DGLUCY: variants seen among roughly 807,000 people sequenced by gnomAD.
The protein encoded by DGLUCY is D-glutamate cyclase, mitochondrial.
DGLUCY carries 58 observed loss-of-function variants against 58.5 expected under a neutral mutation model. The ratio of observed to expected loss-of-function variants is 0.99; its 90% CI spans 0.80 to 1.23. DGLUCY has a LOEUF of 1.23. Ranked by LOEUF, DGLUCY falls within the 50% of genes most tolerant of loss-of-function variation. The probability of loss-of-function intolerance (pLI) is 0.00; values close to 1 mark genes in which losing one functional copy is unlikely to be tolerated. For synonymous variants in DGLUCY, 325 were observed against 314.1 expected (o/e 1.03, Z -0.37); for missense variants, 779 against 784.7 (o/e 0.99, Z 0.09).
At chr14:91,112,515 C>A (rs970968532), upstream of DGLUCY, among the ~76,000 whole-genome samples, 1 of 152,084 alleles carries the variant, frequency 6.6e-6, no homozygotes, top group East Asian at 1.9e-4. Flanking sequence ...AGATGGCACC[C>A]TGGGTGGGTG....
intron 1 of DGLUCY, among the ~76,000 whole-genome samples, chr14:91,061,599 G>C (rs2043686099): frequency 1.3e-5 from 2 of 152,204 alleles, no homozygotes; most frequent in African/African-American, 4.8e-5. Context: ...AGGCATTTGA[G>C]ATAACCAACG....
intron 12 of DGLUCY, among the ~76,000 whole-genome samples, chr14:91,207,782 T>C (rs1884999754): frequency 6.6e-6 from 1 of 152,074 alleles, no homozygotes; most frequent in Non-Finnish European, 1.5e-5. Context: ...GTTTCACTCT[T>C]GTTGCCGAGG....
At chr14:91,072,506 T>TTAATTTAA (rs1416946328) in intron 1 of DGLUCY, among the ~76,000 whole-genome samples, 8 of 152,150 alleles carry the variant, frequency 5.3e-5, no homozygotes, top group African/African-American at 1.9e-4. Context: ...TTCTGTTTTC[T>TTAATTTAA]GTAAAATTAA....
At position 91,132,958 on chromosome 14, in the gene DGLUCY, A is replaced by G. The variant is rs1016031887; in HGVS notation, c.-82+18675A>G. Among the ~76,000 whole-genome samples, 7 of 151,866 alleles carry G rather than the reference A, an allele frequency of 4.6e-5. No homozygotes were observed. The East Asian group carries it at 1.3e-3, about 29-fold the overall frequency. ...GTTTCTTTTACTTATAATGTCTTTC[A>G]TGTCTCCAAGGTACACCCATGTTAT... On this transcript the variant is annotated intron_variant, in intron 1 of 13. Transcript: ENST00000256324.
chr14:91,211,693 G>A (rs1272651482), intron 12 of DGLUCY, among the ~76,000 whole-genome samples: 1 of 152,158 alleles, frequency 6.6e-6, no homozygotes, highest in East Asian at 1.9e-4. Context: ...AACTCAAAAT[G>A]GATTATGAAC....
chr14:91,116,719 A>G (rs866156270), intron 1 of DGLUCY, among the ~76,000 whole-genome samples: 4 of 152,162 alleles, frequency 2.6e-5, no homozygotes, highest in African/African-American at 9.7e-5. Context: ...GCCAAGGCAG[A>G]CAGATCACAA....
chr14:91,082,958 A>G (rs867017195), intron 1 of DGLUCY, among the ~76,000 whole-genome samples: 42 of 152,016 alleles, frequency 2.8e-4, no homozygotes, highest in African/African-American at 8.7e-4. Flanking sequence ...GGGTCTCACT[A>G]TGTTGCCCAG....
At chr14:91,126,100 T>C (rs796762388) in intron 1 of DGLUCY, among the ~76,000 whole-genome samples, 4 of 152,270 alleles carry the variant, frequency 2.6e-5, no homozygotes, top group African/African-American at 9.6e-5. Flanking sequence ...GGGGGACACT[T>C]TTCCAATTTG....
intron 1 of DGLUCY, among the ~76,000 whole-genome samples, chr14:91,137,135 G>GT (rs776031714): frequency 0.038 from 5,408 of 142,750 alleles, 298 homozygotes; most frequent in African/African-American, 0.12. Context: ...GTCTGTTCAG[G>GT]TTTTTTTTTT....
At chr14:91,081,218 A>AC (rs55704853) in intron 1 of DGLUCY, among the ~76,000 whole-genome samples, 53,654 of 151,618 alleles carry the variant, frequency 0.35, 10,013 homozygotes, top group African/African-American at 0.48. Flanking sequence ...AAAAACAAAA[A>AC]AAAAAGCATG....
intron 1 of DGLUCY, among the ~76,000 whole-genome samples, chr14:91,101,389 G>A (rs138497010): frequency 2.1e-4 from 32 of 152,168 alleles, no homozygotes; most frequent in East Asian, 1.2e-3. Context: ...GGAATCATGC[G>A]CTATTTGTCT....
chr14:91,121,487 G>A (rs1371436982), intron 1 of DGLUCY, among the ~76,000 whole-genome samples: 1 of 152,146 alleles, frequency 6.6e-6, no homozygotes, highest in African/African-American at 2.4e-5. Flanking sequence ...TCAGGAGTTC[G>A]AGACCAGCCT....
intron 1 of DGLUCY, among the ~76,000 whole-genome samples, chr14:91,082,049 C>A (rs2044136430): frequency 6.6e-6 from 1 of 152,154 alleles, no homozygotes; most frequent in African/African-American, 2.4e-5. Context: ...TCAATTTCAT[C>A]ACGTAAAGTA....
chr14:91,150,793 G>A (rs1351370528), intron 1 of DGLUCY, among the ~76,000 whole-genome samples: 1 of 152,078 alleles, frequency 6.6e-6, no homozygotes, highest in Non-Finnish European at 1.5e-5. Context: ...TTTTATTATG[G>A]TTAAAAATAT....
chr14:91,204,053 C>T (rs902907487), intron 11 of DGLUCY, among the ~76,000 whole-genome samples: 1 of 152,216 alleles, frequency 6.6e-6, no homozygotes, highest in African/African-American at 2.4e-5. Context: ...ATCTTGAACA[C>T]CATTCATTTC....
At chr14:91,136,166 C>G (rs1213646395) in intron 1 of DGLUCY, among the ~76,000 whole-genome samples, 2 of 151,652 alleles carry the variant, frequency 1.3e-5, no homozygotes, top group Non-Finnish European at 2.9e-5. Context: ...ATTTCCTGAC[C>G]TCGTGATCCA....
At chr14:91,208,039 C>T (rs1278346010) in intron 12 of DGLUCY, among the ~76,000 whole-genome samples, 3 of 152,182 alleles carry the variant, frequency 2.0e-5, no homozygotes, top group East Asian at 1.9e-4. Flanking sequence ...AGAGCCACCA[C>T]GCCCGGCCAC....
rs2048492276 is a variant in DGLUCY at position 91,170,103 on chromosome 14, T to C, written c.358T>C (p.Phe120Leu). The change falls in exon 5 of 14, where the codon TTC becomes CTC. Residue 120 changes from phenylalanine (F) to leucine (L), a missense_variant. By Grantham distance (22) the Phe-to-Leu change is conservative (BLOSUM62 0). Transcript: ENST00000256324. ...YSEQLKDMVAFFLGCSFSLEE... is the reference protein window; with the variant it reads ...YSEQLKDMVALFLGCSFSLEE... ...GGAGCAGCTGAAGGACATGGTGGCCTTCTTCCTGGGCTGCAGCTTCTCCCT... is the reference window on the plus strand; with the variant it reads ...GGAGCAGCTGAAGGACATGGTGGCCCTCTTCCTGGGCTGCAGCTTCTCCCT... 1 of 1,613,046 alleles carries C rather than the reference T, an allele frequency of 6.2e-7. No individual in the cohort carries two copies. Among genetic ancestry groups the C allele is most frequent in the Non-Finnish European group, 8.5e-7 (1 of 1,180,036 alleles).
chr14:91,066,783 T>C (rs150461935), intron 1 of DGLUCY, among the ~76,000 whole-genome samples: 1 of 152,248 alleles, frequency 6.6e-6, no homozygotes, highest in African/African-American at 2.4e-5. Flanking sequence ...CTTTCCTTGC[T>C]AGAAAGAGTT....
Sources: allele counts gnomAD v4.1 joint callset (sites outside exome capture counted in the v4.1 genomes callset), GRCh38; gene constraint gnomAD v4.1.1; transcripts MANE v1.5; gene names NCBI Gene and HGNC (gene_info 2026-07-23, HGNC 2026-07-21).